Variants in PDE3B observed in about 807,000 individuals in gnomAD.
The protein encoded by PDE3B is cGMP-inhibited 3',5'-cyclic phosphodiesterase 3B.
Under a neutral mutation model 116.8 loss-of-function variants are expected in PDE3B, and 66 were observed. The observed-to-expected ratio is 0.56, with a 90% confidence interval of 0.46 to 0.69. The LOEUF (loss-of-function observed/expected upper bound fraction) is 0.69. PDE3B is among the 30% of genes least tolerant of loss of function. The pLI is 0.00. For synonymous variants in PDE3B, 595 were observed against 533.6 expected, an observed-to-expected ratio of 1.12 and a Z score of -1.59; for missense variants, 1,384 against 1,368.1, an observed-to-expected ratio of 1.01 and a Z score of -0.18.
rs1590117032 is a variant in PDE3B, at chr11:14,754,789, C to A, written c.979-17148C>A. On this transcript the variant is annotated intron_variant, in intron 1 of 15. Coordinates refer to ENST00000282096, the MANE Select transcript of PDE3B (RefSeq NM_000922.4). ...ACAGCTATTTTTAGGTCTCTTCATC[C>A]TTTATTATTTTTATGAATGTCGCCA... Among the ~76,000 whole-genome samples, 3 of 152,182 alleles carry A rather than the reference C, an allele frequency of 2.0e-5. No homozygotes were observed. The East Asian group carries it at 5.8e-4, about 29-fold the overall frequency.
chr11:14,685,940 C>T (rs1854861135), intron 1 of PDE3B, among the ~76,000 whole-genome samples: 1 of 152,098 alleles, frequency 6.6e-6, no homozygotes, highest in African/African-American at 2.4e-5. Context: ...GTGATTCTAC[C>T]TATGCCACAG....
chr11:14,772,766 C>G lies in PDE3B; in HGVS notation c.1029+779C>G, dbSNP rs368446667. On this transcript the variant is annotated intron_variant, in intron 2 of 15. Transcript: ENST00000282096. ...TAATATAAGGAGAAAAAAGGAAAATCACTCATAAAACATCAAGCAATAACT... is the reference window on the plus strand; with the variant it reads ...TAATATAAGGAGAAAAAAGGAAAATGACTCATAAAACATCAAGCAATAACT... 22 of 151,094 alleles carry G rather than the reference C, an allele frequency of 1.5e-4. 1 individual carries two copies. The highest frequency in any genetic ancestry group is 1.3e-3 in the Admixed American group (20 of 15,198). 9.4% of individuals were successfully genotyped at this position (151,094 alleles called of 1,614,324 possible). A position where few individuals can be genotyped will look rare whatever the true frequency, so the allele number is the denominator to read the frequency against.
intron 1 of PDE3B, among the ~76,000 whole-genome samples, chr11:14,686,912 A>G (rs994581983): frequency 6.6e-6 from 1 of 151,978 alleles, no homozygotes; most frequent in Non-Finnish European, 1.5e-5. Flanking sequence ...ACGGTGTTTC[A>G]CCGTGTTAGC....
chr11:14,723,636 C>T (rs531331456), intron 1 of PDE3B, among the ~76,000 whole-genome samples: 61 of 152,054 alleles, frequency 4.0e-4, no homozygotes, highest in African/African-American at 1.4e-3. Context: ...TGATGCACAC[C>T]TCTAGTCCTA....
intron 12 of PDE3B, among the ~76,000 whole-genome samples, chr11:14,854,795 G>A (rs1418246809): frequency 6.6e-5 from 10 of 152,142 alleles, no homozygotes; most frequent in African/African-American, 2.4e-4. Flanking sequence ...GATTACAGGC[G>A]TGAGCCACCG....
At chr11:14,652,752 A>T (rs1222861461) in intron 1 of PDE3B, among the ~76,000 whole-genome samples, 2 of 152,166 alleles carry the variant, frequency 1.3e-5, no homozygotes, top group Non-Finnish European at 2.9e-5. Flanking sequence ...TGAGGACTTT[A>T]GATACCTCAT....
Position 14,644,028 on chromosome 11 carries a change from G to A in PDE3B, c.-48G>A. ...GTCTGGGAGCGCGAGCGGCCGCTAC[G>A]GTACGAGCGGGGTGTGCTGAGTCCC... On this transcript the variant is annotated 5_prime_UTR_variant, in exon 1 of 16. Transcript: ENST00000282096. The A allele has an allele frequency of 7.2e-7, 1 of 1,396,216 alleles. No individual in the cohort carries two copies. Among genetic ancestry groups the A allele is most frequent in the South Asian group, 1.6e-5 (1 of 63,094 alleles). The allele number at this position is 1,396,216 out of a possible 1,614,324, so 86.5% of individuals were successfully genotyped here.
chr11:14,751,005 A>G (rs1857044307), intron 1 of PDE3B, among the ~76,000 whole-genome samples: 1 of 152,170 alleles, frequency 6.6e-6, no homozygotes, highest in Non-Finnish European at 1.5e-5. Context: ...ATTTACAAAT[A>G]CAATAGGCAT....
At chr11:14,792,157 A>G (rs570714444) in intron 4 of PDE3B, among the ~76,000 whole-genome samples, 177 of 152,250 alleles carry the variant, frequency 1.2e-3, no homozygotes, top group African/African-American at 4.0e-3. Context: ...TTATTACCTC[A>G]TGACAGAGCT....
intron 15 of PDE3B, 40 bp from the exon 16 acceptor site, chr11:14,869,421 T>G (rs1686245244): frequency 6.5e-7 from 1 of 1,546,478 alleles, no homozygotes; most frequent in South Asian, 1.2e-5. Context: ...GATTAAATCA[T>G]ATTGCTATGA....
At chr11:14,823,480 G>A (rs565499686) in intron 7 of PDE3B, among the ~76,000 whole-genome samples, 70 of 152,194 alleles carry the variant, frequency 4.6e-4, no homozygotes, top group African/African-American at 1.6e-3. Flanking sequence ...ACTGGGGGCT[G>A]CAGCAGACCC....
chr11:14,819,661 C>T (rs1859453454), intron 7 of PDE3B, among the ~76,000 whole-genome samples: 1 of 151,996 alleles, frequency 6.6e-6, no homozygotes, highest in Non-Finnish European at 1.5e-5. Flanking sequence ...AATTTGATGA[C>T]TCAAACTACC....
chr11:14,813,499 C>T (rs533911399), intron 5 of PDE3B, among the ~76,000 whole-genome samples: 2 of 152,148 alleles, frequency 1.3e-5, no homozygotes, highest in African/African-American at 2.4e-5. Flanking sequence ...AGGCATAGGA[C>T]TTAGCCGTGT....
At chr11:14,836,060 G>A (rs1254700334) in intron 11 of PDE3B, among the ~76,000 whole-genome samples, 1 of 152,136 alleles carries the variant, frequency 6.6e-6, no homozygotes, top group Non-Finnish European at 1.5e-5. Context: ...TCTAAAGTAT[G>A]CATTATTTGT....
At chr11:14,855,990 T>TA (rs1215946077) in intron 12 of PDE3B, among the ~76,000 whole-genome samples, 1 of 152,246 alleles carries the variant, frequency 6.6e-6, no homozygotes, top group Non-Finnish European at 1.5e-5. Context: ...TTTGAACTGA[T>TA]ACGGTTTGTC....
the PDE3B span, among the ~76,000 whole-genome samples, chr11:14,885,613 C>T: frequency 8.5e-5 from 13 of 152,062 alleles, no homozygotes; most frequent in African/African-American, 1.7e-4. Flanking sequence ...CTAAAATATG[C>T]GTGTAGTACA....
intron 1 of PDE3B, among the ~76,000 whole-genome samples, chr11:14,663,167 G>C (rs1853994937): frequency 1.3e-5 from 2 of 152,104 alleles, no homozygotes; most frequent in Admixed American, 1.3e-4. Context: ...CATTCTTAAA[G>C]AAAAGAATTT....
chr11:14,671,877 A>G (rs1189699713), intron 1 of PDE3B, among the ~76,000 whole-genome samples: 4 of 151,772 alleles, frequency 2.6e-5, no homozygotes, highest in Non-Finnish European at 5.9e-5. Context: ...ATAATTAAAA[A>G]ATTAGCCAGG....
rs530120287 is a variant in PDE3B, at chr11:14,660,928, A to T, written c.978+15875A>T. Among the ~76,000 whole-genome samples the T allele has an allele frequency of 1.1e-4, 17 of 152,364 alleles. No individual in the cohort carries two copies. In the East Asian group the frequency reaches 3.1e-3, roughly 28 times the overall value. On this transcript the variant is annotated intron_variant, in intron 1 of 15. Coordinates refer to ENST00000282096, the MANE Select transcript of PDE3B (RefSeq NM_000922.4). ...AAAAACACATGAAAAAATGCTCATC[A>T]TCACTGGCCATCAGAGAAATGCAAA...
Sources: allele counts gnomAD v4.1 joint callset (sites outside exome capture counted in the v4.1 genomes callset), GRCh38; gene constraint gnomAD v4.1.1; transcripts MANE v1.5; gene names NCBI Gene and HGNC (gene_info 2026-07-23, HGNC 2026-07-21).